Variants in SLC30A4 observed in about 807,000 individuals in gnomAD.
SLC30A4 encodes solute carrier family 30 member 4, also known as probable proton-coupled zinc antiporter SLC30A4.
A neutral mutation model predicts 41.7 loss-of-function variants in SLC30A4; 20 were observed. The ratio of observed to expected loss-of-function variants is 0.48; its 90% CI spans 0.34 to 0.70. The LOEUF (loss-of-function observed/expected upper bound fraction) is 0.70, where lower values mean the gene tolerates loss of function less well. Among genes scored for constraint, SLC30A4 ranks in the 30% least tolerant of loss-of-function variants. SLC30A4 has a pLI of 0.01. For missense variants in SLC30A4, 441 were observed against 529.3 expected, an observed-to-expected ratio of 0.83 and a Z score of 1.64; for synonymous variants, 181 against 195.9, an observed-to-expected ratio of 0.92 and a Z score of 0.64.
chr15:45,513,220 T>TA (rs1566881795), intron 2 of SLC30A4, among the ~76,000 whole-genome samples: 3 of 149,784 alleles, frequency 2.0e-5, no homozygotes, highest in Non-Finnish European at 4.5e-5. Context: ...TTTTTTTTTT[T>TA]AGAGAGTCAG....
In SLC30A4 at chr15:45,522,185, G is replaced by A; in HGVS notation, c.170C>T (p.Ala57Val). Residue 57 changes from alanine to valine, a missense_variant, in exon 2 of 8, where the codon GCC becomes GTC. Coordinates refer to ENST00000261867, the MANE Select transcript of SLC30A4 (RefSeq NM_013309.6). Reference sequence around the variant, plus strand: ...CGCCCCGTTAACAGGCCTTTCCGGGGCTTCGGAACCGTCATCGGCCACCAC... The same window carrying A: ...CGCCCCGTTAACAGGCCTTTCCGGGACTTCGGAACCGTCATCGGCCACCAC... The part of the protein sequence containing the change: ...RVVVADDGSE[A>V]PERPVNGAHP... 1 of 1,614,236 alleles carries A rather than the reference G, an allele frequency of 6.2e-7. No individual in the cohort carries two copies. The highest frequency in any genetic ancestry group is 8.5e-7 in the Non-Finnish European group (1 of 1,180,044).
intron 3 of SLC30A4, among the ~76,000 whole-genome samples, chr15:45,508,345 G>C (rs1318358912): frequency 6.6e-6 from 1 of 152,174 alleles, no homozygotes; most frequent in Non-Finnish European, 1.5e-5. Flanking sequence ...TTGGCGGAAA[G>C]TGTAGGCTGC....
chr15:45,488,879 C>A lies in SLC30A4; in HGVS notation c.856G>T (p.Val286Phe), dbSNP rs755870366. 3.1e-6 allele frequency: 5 copies of A among 1,614,076 alleles called. No individual in the cohort carries two copies. Among genetic ancestry groups the A allele is most frequent in the Middle Eastern group, 1.6e-4 (1 of 6,062 alleles). ...ATGTATGCAGCTATTAGCACACCAA[C>A]ACTCTGTACCAAATCTCCCAAAGCA... is the stretch of plus-strand genomic sequence containing the variant. Reference protein sequence around the residue: ...VHALGDLVQSVGVLIAAYIIR... With the variant: ...VHALGDLVQSFGVLIAAYIIR... Residue 286 changes from valine (V) to phenylalanine (F), a missense_variant, in exon 5 of 8, where the codon GTT becomes TTT. By Grantham distance (50) the Val-to-Phe change is conservative (BLOSUM62 -1). Around this residue, in one of 3 missense-constraint regions of SLC30A4, gnomAD observed 29 missense variants for 66.4 expected, o/e 0.44. Transcript: ENST00000261867.
chr15:45,503,100 A>G (rs905511086), intron 3 of SLC30A4: 3 of 152,232 alleles, frequency 2.0e-5, no homozygotes, highest in Middle Eastern at 3.4e-3. Context: ...TCACATGTGT[A>G]ATATACTTTT....
intron 3 of SLC30A4, among the ~76,000 whole-genome samples, chr15:45,505,192 T>C (rs1892125986): frequency 6.9e-6 from 1 of 145,440 alleles, no homozygotes. Flanking sequence ...GATTGCGCCA[T>C]TGCACTCCAG....
chr15:45,521,229 T>C (rs1892656188), intron 2 of SLC30A4, among the ~76,000 whole-genome samples: 1 of 152,204 alleles, frequency 6.6e-6, no homozygotes, highest in South Asian at 2.1e-4. Flanking sequence ...AAACTAAGAA[T>C]GTATCTTATA....
chr15:45,511,197 G>C lies in SLC30A4; in HGVS notation c.479C>G (p.Ala160Gly). 1 of 1,613,666 alleles carries C rather than the reference G, an allele frequency of 6.2e-7. No individual in the cohort carries two copies. Among genetic ancestry groups the C allele is most frequent in the Non-Finnish European group, 8.5e-7 (1 of 1,179,642 alleles). ...DLSAIILTLLALWLSSKSPTK... is the reference protein window; with the variant it reads ...DLSAIILTLLGLWLSSKSPTK... The stretch of plus-strand genomic sequence containing the variant: ...TGGTGATTTTGATGATAGCCACAAA[G>C]CAAGCAGGGTGAGTATGATGGCGCT... The change falls in exon 3 of 8, where the codon GCT (alanine) becomes GGT (glycine). Residue 160 changes from alanine to glycine, a missense_variant. By Grantham distance (60) the Ala-to-Gly change is moderately conservative. This residue lies in a region of SLC30A4 where 312 missense variants were observed against 341.9 expected (regional missense o/e 0.91). Transcript: ENST00000261867.
chr15:45,485,755 T>C (rs1383743813), intron 7 of SLC30A4, among the ~76,000 whole-genome samples: 4 of 152,098 alleles, frequency 2.6e-5, no homozygotes. Context: ...TTCGCTCTTG[T>C]TGCCCAGGCT....
At chr15:45,489,356 G>T (rs1891765914) in intron 4 of SLC30A4, among the ~76,000 whole-genome samples, 1 of 152,114 alleles carries the variant, frequency 6.6e-6, no homozygotes. Flanking sequence ...GATGGGCAGA[G>T]TGGTAAGGGA....
intron 3 of SLC30A4, among the ~76,000 whole-genome samples, chr15:45,508,245 T>G (rs1892201583): frequency 6.6e-6 from 1 of 152,180 alleles, no homozygotes; most frequent in African/African-American, 2.4e-5. Flanking sequence ...AAGTAAGACT[T>G]ATTTTGGAGC....
intron 2 of SLC30A4, among the ~76,000 whole-genome samples, chr15:45,520,489 G>A (rs1892632705): frequency 6.6e-6 from 1 of 152,078 alleles, no homozygotes; most frequent in South Asian, 2.1e-4. Flanking sequence ...TGGCCAGGGT[G>A]GTCTCAAACT....
chr15:45,488,849 G>T lies in SLC30A4; in HGVS notation c.886C>A (p.Arg296=). 1.2e-6 allele frequency: 2 copies of T among 1,610,748 alleles called. No homozygotes were observed. Among genetic ancestry groups the T allele is most frequent in the Non-Finnish European group, 1.7e-6 (2 of 1,177,250 alleles). Residue 296 remains arginine, a synonymous_variant, in exon 5 of 8, where the codon CGA becomes AGA. Coordinates refer to ENST00000261867, the MANE Select transcript of SLC30A4 (RefSeq NM_013309.6). ...ATTACCAATCATATTACCTTGAATCGTATGATGTATGCAGCTATTAGCACA... is the reference window on the plus strand; with the variant it reads ...ATTACCAATCATATTACCTTGAATCTTATGATGTATGCAGCTATTAGCACA... ...VGVLIAAYII[R]FKPEYKIADP...
In SLC30A4 at chr15:45,507,041, G is replaced by T. The variant is rs140330390; in HGVS notation, c.538+4097C>A. ...CTGAGGTTCTTAATAGTAAGGCTTG[G>T]CTGGGGGCGGTGGCTCATGCCTATA... On this transcript the variant is annotated intron_variant, in intron 3 of 7. Transcript: ENST00000261867. Among the ~76,000 whole-genome samples the T allele has an allele frequency of 4.3e-3, 652 of 152,166 alleles. 3 individuals are homozygous for T. The highest frequency in any genetic ancestry group is 0.015 in the African/African-American group (624 of 41,522).
At chr15:45,491,547 T>C (rs1045769345) in intron 3 of SLC30A4, among the ~76,000 whole-genome samples, 9 of 152,184 alleles carry the variant, frequency 5.9e-5, no homozygotes, top group East Asian at 1.9e-4. Flanking sequence ...GGCAACATAG[T>C]GAGACTCCGT....
chr15:45,490,840 G>C lies in SLC30A4; in HGVS notation c.580C>G (p.Leu194Val), dbSNP rs766381740. Residue 194 changes from leucine (L) to valine (V), a missense_variant, in exon 4 of 8, where the codon CTT (leucine) becomes GTT (valine). Around this residue, in one of 3 missense-constraint regions of SLC30A4, gnomAD observed 312 missense variants for 341.9 expected, o/e 0.91. Coordinates refer to ENST00000261867, the MANE Select transcript of SLC30A4 (RefSeq NM_013309.6). ...GCTTCATATAAGAGGAATCCCATAA[G>C]TATATACACCAACAGCACACTAATC... Reference protein sequence around the residue: ...AMISVLLVYILMGFLLYEAVQ... With the variant: ...AMISVLLVYIVMGFLLYEAVQ... The C allele has an allele frequency of 1.9e-6, 3 of 1,606,196 alleles. No homozygotes were observed. Among genetic ancestry groups the C allele is most frequent in the Non-Finnish European group, 2.6e-6 (3 of 1,175,848 alleles).
Position 45,513,201 on chromosome 15 carries a change from CT to C in SLC30A4, c.392-1918del, listed in dbSNP as rs539115300. Among the ~76,000 whole-genome samples the C allele has an allele frequency of 7.4e-3, 964 of 130,142 alleles. 4 individuals are homozygous for C. The highest frequency in any genetic ancestry group is 0.021 in the African/African-American group (750 of 35,698). The allele number at this position is 130,142 out of a possible 152,430, so 85.4% of individuals were successfully genotyped here. A position where few individuals can be genotyped will look rare whatever the true frequency, so the allele number is the denominator to read the frequency against. On this transcript the variant is annotated intron_variant, in intron 2 of 7. Coordinates refer to ENST00000261867, the MANE Select transcript of SLC30A4 (RefSeq NM_013309.6). ...AAACTAAGGAATTTAATTAATTAAA[CT>C]TTTTTTTTTTTTTTTTTTAGAGAGT...
At chr15:45,488,574 A>T (rs1313538112) in intron 5 of SLC30A4, among the ~76,000 whole-genome samples, 1 of 151,748 alleles carries the variant, frequency 6.6e-6, no homozygotes, top group Non-Finnish European at 1.5e-5. Flanking sequence ...CTCTGTCTCA[A>T]AAATAAATAA....
intron 3 of SLC30A4, among the ~76,000 whole-genome samples, chr15:45,503,566 A>C (rs954081249): frequency 7.9e-5 from 12 of 152,024 alleles, no homozygotes; most frequent in Non-Finnish European, 1.3e-4. Flanking sequence ...CAGTGAGCCA[A>C]GATCGAGCCA....
At chr15:45,511,317 A>G in intron 2 of SLC30A4, 33 bp from the exon 3 acceptor site, 1 of 1,482,128 alleles carries the variant, frequency 6.7e-7, no homozygotes, top group East Asian at 2.4e-5. Flanking sequence ...AAAAGGAACA[A>G]GTTAATTTTT....
Sources: allele counts gnomAD v4.1 joint callset (sites outside exome capture counted in the v4.1 genomes callset), GRCh38; gene constraint gnomAD v4.1.1; regional missense constraint gnomAD v4.1.1; transcripts MANE v1.5; gene names NCBI Gene and HGNC (gene_info 2026-07-23, HGNC 2026-07-21).